The following THSD7A variants were observed in gnomAD, a reference collection of about 807,000 sequenced individuals.
The protein encoded by THSD7A is thrombospondin type 1 domain containing 7A, also known as thrombospondin type-1 domain-containing protein 7A.
In THSD7A, 96 loss-of-function variants were observed where a neutral mutation model predicts 231.3. The observed-to-expected ratio is 0.41, with a 90% CI of 0.35 to 0.49. The LOEUF (loss-of-function observed/expected upper bound fraction) is 0.49. Among genes scored for constraint, THSD7A ranks in the 20% least tolerant of loss-of-function variants. THSD7A has a pLI of 0.05. For synonymous variants in THSD7A, 940 were observed against 743.3 expected, an observed-to-expected ratio of 1.26 and a Z score of -4.30; for missense variants, 2,290 against 2,070.2, an observed-to-expected ratio of 1.11 and a Z score of -2.06.
intron 11 of THSD7A, 46 bp from the exon 12 acceptor site, chr7:11,447,470 TTACTC>T: frequency 7.0e-7 from 1 of 1,432,158 alleles, no homozygotes; most frequent in Non-Finnish European, 9.2e-7. Context: ...AAACGTCTAA[TTACTC>T]TATAATTTAG....
At chr7:11,735,956 G>A (rs1781900090) in intron 1 of THSD7A, among the ~76,000 whole-genome samples, 1 of 150,952 alleles carries the variant, frequency 6.6e-6, no homozygotes. Context: ...AAATGGCAGT[G>A]TATTTACTTC....
chr7:11,769,152 TA>T (rs1475007573), intron 1 of THSD7A, among the ~76,000 whole-genome samples: 1,418 of 62,624 alleles, frequency 0.023, 35 homozygotes, highest in South Asian at 0.045. Context: ...TATATATATA[TA>T]TTTTTTTTTT....
At chr7:11,652,488 C>T (rs2128369144) in intron 1 of THSD7A, among the ~76,000 whole-genome samples, 1 of 151,934 alleles carries the variant, frequency 6.6e-6, no homozygotes, top group Non-Finnish European at 1.5e-5. Flanking sequence ...AATTTCTGTC[C>T]TACTAAGTGC....
intron 1 of THSD7A, among the ~76,000 whole-genome samples, chr7:11,758,589 G>T (rs1456266315): frequency 6.6e-6 from 1 of 152,004 alleles, no homozygotes; most frequent in African/African-American, 2.4e-5. Flanking sequence ...TCTATAGGAT[G>T]CCAGGACTCC....
intron 1 of THSD7A, among the ~76,000 whole-genome samples, chr7:11,726,857 T>C (rs1388350908): frequency 6.6e-6 from 1 of 151,940 alleles, no homozygotes; most frequent in African/African-American, 2.4e-5. Context: ...GTGGGTCTCA[T>C]GTTTTCTAGA....
intron 1 of THSD7A, among the ~76,000 whole-genome samples, chr7:11,661,037 G>A (rs78634432): frequency 0.061 from 9,227 of 151,272 alleles, 312 homozygotes; most frequent in East Asian, 0.14. Flanking sequence ...AGTGAAGAAG[G>A]TGAACAAAAC....
intron 1 of THSD7A, among the ~76,000 whole-genome samples, chr7:11,810,702 T>G (rs975432255): frequency 6.6e-6 from 1 of 152,172 alleles, no homozygotes; most frequent in African/African-American, 2.4e-5. Flanking sequence ...TAACAAATAA[T>G]AGGAGAAACA....
In THSD7A at chr7:11,805,673, A is replaced by C. The variant is rs138373032; in HGVS notation, c.190+26084T>G. Among the ~76,000 whole-genome samples, 269 of 152,192 alleles carry C rather than the reference A, an allele frequency of 1.8e-3. 1 individual carries two copies. Among genetic ancestry groups the C allele is most frequent in the African/African-American group, 6.0e-3 (248 of 41,570 alleles). Reference sequence around the variant, plus strand: ...TTTAAAATGTCAACTAGTATCTTTTAATGTAAAAGAAATACGTGATTTCAA... The same window carrying C: ...TTTAAAATGTCAACTAGTATCTTTTCATGTAAAAGAAATACGTGATTTCAA... On this transcript the variant is annotated intron_variant, in intron 1 of 27. Coordinates refer to ENST00000423059, the MANE Select transcript of THSD7A (RefSeq NM_015204.3).
At chr7:11,536,944 T>C (rs1193147891) in intron 6 of THSD7A, among the ~76,000 whole-genome samples, 3 of 152,204 alleles carry the variant, frequency 2.0e-5, no homozygotes, top group African/African-American at 7.2e-5. Context: ...AATTCAGTAT[T>C]CATACAGTTT....
intron 4 of THSD7A, among the ~76,000 whole-genome samples, chr7:11,562,679 C>T (rs1289821589): frequency 2.0e-5 from 3 of 152,066 alleles, no homozygotes; most frequent in African/African-American, 7.2e-5. Context: ...ATTCCAAAGA[C>T]CGACAAATAA....
chr7:11,792,033 A>G (rs1783967353), intron 1 of THSD7A, among the ~76,000 whole-genome samples: 1 of 151,896 alleles, frequency 6.6e-6, no homozygotes, highest in Admixed American at 6.6e-5. Context: ...ATTTTCTACT[A>G]GTTATTCTCT....
chr7:11,631,131 G>A (rs1781637173), intron 2 of THSD7A, among the ~76,000 whole-genome samples: 1 of 152,152 alleles, frequency 6.6e-6, no homozygotes, highest in Admixed American at 6.5e-5. Context: ...ACCAGATTGG[G>A]ATAATCCAAT....
At chr7:11,488,271 G>A (rs552043248) in intron 6 of THSD7A, among the ~76,000 whole-genome samples, 31 of 152,160 alleles carry the variant, frequency 2.0e-4, no homozygotes, top group African/African-American at 7.2e-4. Flanking sequence ...GAGAGTGATA[G>A]TCTTTATATA....
chr7:11,674,358 A>G (rs1783547048), intron 1 of THSD7A, among the ~76,000 whole-genome samples: 2 of 152,140 alleles, frequency 1.3e-5, no homozygotes, highest in African/African-American at 4.8e-5. Context: ...AGTTCTCCAG[A>G]CACTCCACCC....
intron 4 of THSD7A, among the ~76,000 whole-genome samples, chr7:11,564,315 C>T (rs1790210910): frequency 6.6e-6 from 1 of 152,192 alleles, no homozygotes; most frequent in Non-Finnish European, 1.5e-5. Flanking sequence ...AGTGTTGTAA[C>T]AGATAGGGAC....
intron 6 of THSD7A, among the ~76,000 whole-genome samples, chr7:11,521,164 A>T (rs1270981388): frequency 6.6e-6 from 1 of 152,188 alleles, no homozygotes; most frequent in East Asian, 1.9e-4. Context: ...ATTCACACAG[A>T]CATATATATA....
At chr7:11,445,924 A>G in intron 13 of THSD7A, 137 bp downstream of exon 13, 1 of 1,057,844 alleles carries the variant, frequency 9.5e-7, no homozygotes, top group Non-Finnish European at 1.4e-6. Flanking sequence ...TAAATGATAT[A>G]TGTATAGTGT....
At chr7:11,584,429 T>C (rs921892968) in intron 4 of THSD7A, among the ~76,000 whole-genome samples, 1 of 152,180 alleles carries the variant, frequency 6.6e-6, no homozygotes, top group African/African-American at 2.4e-5. Context: ...GTGTTTAATG[T>C]TTCTACCTTT....
intron 1 of THSD7A, among the ~76,000 whole-genome samples, chr7:11,776,760 A>T (rs891690678): frequency 6.6e-6 from 1 of 152,240 alleles, no homozygotes; most frequent in Non-Finnish European, 1.5e-5. Flanking sequence ...GCATCTTGAC[A>T]ACTAGTAAAA....
Sources: allele counts gnomAD v4.1 joint callset (sites outside exome capture counted in the v4.1 genomes callset), GRCh38; gene constraint gnomAD v4.1.1; transcripts MANE v1.5; gene names NCBI Gene and HGNC (gene_info 2026-07-23, HGNC 2026-07-21).